The following FNBP1L variants were observed in gnomAD, a reference collection of about 807,000 sequenced individuals.
FNBP1L encodes the protein formin-binding protein 1-like.
Under a neutral mutation model 91.2 loss-of-function variants are expected in FNBP1L, and 36 were observed. The ratio of observed to expected loss-of-function variants is 0.39; its 90% CI spans 0.30 to 0.52. FNBP1L has a LOEUF of 0.52. Among genes scored for constraint, FNBP1L ranks in the 20% least tolerant of loss-of-function variants. The pLI is 0.66. For missense variants in FNBP1L, 571 were observed against 732.1 expected, an observed-to-expected ratio of 0.78 and a Z score of 2.54; for synonymous variants, 242 against 237.0, an observed-to-expected ratio of 1.02 and a Z score of -0.19.
chr1:93,537,476 T>A (rs1671886478), intron 10 of FNBP1L, among the ~76,000 whole-genome samples: 1 of 152,124 alleles, frequency 6.6e-6, no homozygotes, highest in African/African-American at 2.4e-5. Flanking sequence ...GAACAAGATA[T>A]ATTAGTTTAG....
intron 1 of FNBP1L, among the ~76,000 whole-genome samples, chr1:93,479,671 A>G (rs1407826609): frequency 1.3e-5 from 2 of 152,310 alleles, no homozygotes; most frequent in Admixed American, 6.5e-5. Context: ...GAATTTAGCG[A>G]TATCTCTCCT....
chr1:93,546,969 A>G lies in FNBP1L; in HGVS notation c.1402A>G (p.Asn468Asp). 6.2e-7 allele frequency: 1 copy of G among 1,611,200 alleles called. No homozygotes were observed. The highest frequency in any genetic ancestry group is 8.5e-7 in the Non-Finnish European group (1 of 1,178,792). The change falls in exon 13 of 17, where the codon AAT (asparagine) becomes GAT (aspartate). Residue 468 changes from asparagine (N) to aspartate (D), a missense_variant. By Grantham distance (23) the Asn-to-Asp change is conservative (BLOSUM62 1). Transcript: ENST00000271234. Reference protein sequence around the residue: ...IDRLRMEIHKNEAWLSEVEGK... With the variant: ...IDRLRMEIHKDEAWLSEVEGK... ...CCGCCTACGAATGGAAATCCATAAGAATGAGGTAGATTTGTTATTCAGCAC... is the reference window on the plus strand; with the variant it reads ...CCGCCTACGAATGGAAATCCATAAGGATGAGGTAGATTTGTTATTCAGCAC...
At chr1:93,476,834 ATG>A (rs1446108567) in intron 1 of FNBP1L, among the ~76,000 whole-genome samples, 1 of 152,176 alleles carries the variant, frequency 6.6e-6, no homozygotes, top group Non-Finnish European at 1.5e-5. Context: ...ACAGAGAAAG[ATG>A]TGTTACTGAA....
intron 1 of FNBP1L, among the ~76,000 whole-genome samples, chr1:93,486,447 C>CTT (rs200220219): frequency 8.2e-5 from 12 of 146,006 alleles, no homozygotes; most frequent in East Asian, 6.0e-4. Context: ...TAGCAGAATA[C>CTT]TTTTTTTTTT....
Position 93,552,571 on chromosome 1 carries a change from C to T in FNBP1L, c.*155C>T. ...ATTTTTTTTTTACTAACTTCATTAG[C>T]ATTTCCATACATTGTTTTTAAAAAT... On this transcript the variant is annotated 3_prime_UTR_variant, in exon 17 of 17. Coordinates refer to ENST00000271234, the MANE Select transcript of FNBP1L (RefSeq NM_001164473.3). The T allele has an allele frequency of 1.7e-6, 1 of 603,762 alleles. No individual in the cohort carries two copies. Among genetic ancestry groups the T allele is most frequent in the Non-Finnish European group, 2.8e-6 (1 of 363,470 alleles). 37.4% of individuals were successfully genotyped at this position (603,762 alleles called of 1,614,324 possible).
At chr1:93,551,484 T>C (rs1672414917) in intron 16 of FNBP1L, 2 of 988,432 alleles carry the variant, frequency 2.0e-6, no homozygotes, top group South Asian at 4.7e-5. Flanking sequence ...ACAGTGACTT[T>C]AGTGAATTTG....
chr1:93,498,794 A>G (rs1464931463), intron 1 of FNBP1L, among the ~76,000 whole-genome samples: 1 of 152,206 alleles, frequency 6.6e-6, no homozygotes, highest in Non-Finnish European at 1.5e-5. Flanking sequence ...TGTTTCCTGC[A>G]TTGCAGAACA....
chr1:93,550,829 A>G, intron 15 of FNBP1L, 118 bp from the exon 16 acceptor site: 2 of 963,200 alleles, frequency 2.1e-6, no homozygotes, highest in Non-Finnish European at 2.9e-6. Flanking sequence ...AGTGAGAGTC[A>G]GTAGTTCCAG....
At chr1:93,530,715 A>T in intron 6 of FNBP1L, 40 bp from the exon 7 acceptor site, 1 of 1,577,860 alleles carries the variant, frequency 6.3e-7, no homozygotes, top group Non-Finnish European at 8.6e-7. Context: ...AATTGCTGTG[A>T]TTTTGTTGTT....
intron 11 of FNBP1L, among the ~76,000 whole-genome samples, chr1:93,543,001 C>T (rs1388973566): frequency 1.3e-5 from 2 of 151,762 alleles, no homozygotes; most frequent in Non-Finnish European, 2.9e-5. Flanking sequence ...CGGCCAGGCT[C>T]CAGTCTGGCC....
chr1:93,534,931 A>G, intron 9 of FNBP1L, 23 bp downstream of exon 9: 2 of 1,548,536 alleles, frequency 1.3e-6, no homozygotes, highest in Non-Finnish European at 1.7e-6. Context: ...AAATTCCTAT[A>G]TGCTAATCAG....
At chr1:93,469,595 C>A (rs1570772559) in intron 1 of FNBP1L, among the ~76,000 whole-genome samples, 2 of 152,100 alleles carry the variant, frequency 1.3e-5, no homozygotes, top group East Asian at 3.9e-4. Flanking sequence ...TCCTTTGTTA[C>A]CTTAGTTAAC....
Position 93,483,613 on chromosome 1 carries a change from G to A in FNBP1L, c.25-15855G>A, listed in dbSNP as rs114763865. ...GATAAAAATGAACCATAAGAGTTCT[G>A]TCTAGATCAGTGTTGCTTCTTCCAA... On this transcript the variant is annotated intron_variant, in intron 1 of 16. Transcript: ENST00000271234. Among the ~76,000 whole-genome samples, 749 of 152,232 alleles carry A rather than the reference G, an allele frequency of 4.9e-3. 10 individuals are homozygous for A. Among genetic ancestry groups the A allele is most frequent in the African/African-American group, 0.017 (711 of 41,528 alleles).
At chr1:93,483,374 C>T (rs987665253) in intron 1 of FNBP1L, among the ~76,000 whole-genome samples, 2 of 152,052 alleles carry the variant, frequency 1.3e-5, no homozygotes, top group Non-Finnish European at 2.9e-5. Context: ...TTAATCATTT[C>T]CGTTTTACTC....
chr1:93,455,970 T>C (rs1668643926), intron 1 of FNBP1L, among the ~76,000 whole-genome samples: 3 of 152,236 alleles, frequency 2.0e-5, no homozygotes, highest in Non-Finnish European at 4.4e-5. Context: ...CCGTCGGGCA[T>C]TGTGAGATGT....
At position 93,529,709 on chromosome 1, in the gene FNBP1L, G is replaced by A. The variant is rs1286470579; in HGVS notation, c.463G>A (p.Glu155Lys). ...GGCAGAAAAGGCACAACAGAGTTAT[G>A]AAAGATTGGATAATGATACTAATGC... ...REAEKAQQSY[E>K]RLDNDTNATK... The change falls in exon 6 of 17, where the codon GAA (glutamate) becomes AAA (lysine). Residue 155 changes from glutamate (E) to lysine (K), a missense_variant. Glu to Lys is a moderately conservative substitution (Grantham distance 56, BLOSUM62 1). Coordinates refer to ENST00000271234, the MANE Select transcript of FNBP1L (RefSeq NM_001164473.3). 1.3e-6 allele frequency: 2 copies of A among 1,530,418 alleles called. No homozygotes were observed. Among genetic ancestry groups the A allele is most frequent in the African/African-American group, 1.4e-5 (1 of 71,382 alleles). The allele number at this position is 1,530,418 out of a possible 1,614,324, so 94.8% of individuals were successfully genotyped here.
chr1:93,518,390 T>C (rs1485062553), intron 2 of FNBP1L, among the ~76,000 whole-genome samples: 1 of 152,180 alleles, frequency 6.6e-6, no homozygotes. Flanking sequence ...TTTTATAAAG[T>C]AGTCACAAGA....
chr1:93,451,599 C>T (rs1356929889), intron 1 of FNBP1L, among the ~76,000 whole-genome samples: 2 of 151,896 alleles, frequency 1.3e-5, no homozygotes, highest in Non-Finnish European at 2.9e-5. Flanking sequence ...AATCTTTGGC[C>T]CTTAGTTTAA....
intron 11 of FNBP1L, 88 bp from the exon 12 acceptor site, chr1:93,544,019 G>T: frequency 2.3e-6 from 2 of 865,990 alleles, no homozygotes; most frequent in Non-Finnish European, 1.7e-6. Flanking sequence ...ACTTAAGATT[G>T]GTATGTATTC....
Sources: allele counts gnomAD v4.1 joint callset (sites outside exome capture counted in the v4.1 genomes callset), GRCh38; gene constraint gnomAD v4.1.1; transcripts MANE v1.5; gene names NCBI Gene and HGNC (gene_info 2026-07-23, HGNC 2026-07-21).